The following DTNA variants were observed in gnomAD, a reference collection of about 807,000 sequenced individuals.
The protein encoded by DTNA is dystrophin-related protein 3.
A neutral mutation model predicts 100.7 loss-of-function variants in DTNA; 43 were observed. The ratio of observed to expected loss-of-function variants is 0.43; its 90% CI spans 0.33 to 0.55. The LOEUF (loss-of-function observed/expected upper bound fraction) is 0.55. Among genes scored for constraint, DTNA ranks in the 20% least tolerant of loss-of-function variants. The pLI is 0.04. For synonymous variants in DTNA, 349 were observed against 347.9 expected (o/e 1.00, Z -0.04); for missense variants, 798 against 953.9 (o/e 0.84, Z 2.15).
intron 1 of DTNA, among the ~76,000 whole-genome samples, chr18:34,581,670 G>A (rs9965201): frequency 0.1 from 14,698 of 146,848 alleles, 1,094 homozygotes; most frequent in African/African-American, 0.2. Context: ...CACCAGGCTG[G>A]CGTGCAGTGG....
intron 21 of DTNA, among the ~76,000 whole-genome samples, chr18:34,884,191 T>G (rs2096900728): frequency 6.6e-6 from 1 of 152,214 alleles, no homozygotes; most frequent in African/African-American, 2.4e-5. Context: ...CCTCCCTCTT[T>G]GAGCTCGTGT....
rs1392650979 is a variant in DTNA at position 34,847,526 on chromosome 18, A to AAT, written c.1347-769_1347-768insTA. Among the ~76,000 whole-genome samples, 3 of 152,304 alleles carry AAT rather than the reference A, an allele frequency of 2.0e-5. No homozygotes were observed. In the East Asian group the frequency reaches 5.8e-4, roughly 29 times the overall value. The stretch of plus-strand genomic sequence containing the variant: ...TGGCTTAGCTAAGTCCCTCTGGTTC[A>AAT]AGGCTTCTGTGAGGTTGCAATCAAG... On this transcript the variant is annotated intron_variant, in intron 13 of 22. Transcript: ENST00000444659.
At chr18:34,799,492 A>G (rs933549725) in intron 4 of DTNA, among the ~76,000 whole-genome samples, 7 of 152,252 alleles carry the variant, frequency 4.6e-5, no homozygotes, top group African/African-American at 1.7e-4. Flanking sequence ...GTGAAAGCAA[A>G]GAAGAAAAAA....
At chr18:34,589,440 C>G (rs890825839) in intron 1 of DTNA, among the ~76,000 whole-genome samples, 2 of 152,010 alleles carry the variant, frequency 1.3e-5, no homozygotes, top group Non-Finnish European at 2.9e-5. Flanking sequence ...AACCCCGTCT[C>G]TACTAAAAAA....
Position 34,876,701 on chromosome 18 carries a change from A to G in DTNA, c.1904-1018A>G, listed in dbSNP as rs183860744. On this transcript the variant is annotated intron_variant, in intron 18 of 22. Transcript: ENST00000444659. ...GGTGATAAAATCTTAACACACTTCAATGAGAGAGAATGATGAACTCTCTAC... is the reference window on the plus strand; with the variant it reads ...GGTGATAAAATCTTAACACACTTCAGTGAGAGAGAATGATGAACTCTCTAC... Among the ~76,000 whole-genome samples the G allele has an allele frequency of 2.8e-3, 425 of 152,316 alleles. 1 individual carries two copies. Among genetic ancestry groups the G allele is most frequent in the African/African-American group, 9.7e-3 (404 of 41,580 alleles).
intron 1 of DTNA, among the ~76,000 whole-genome samples, chr18:34,644,028 CAATGT>C: frequency 6.6e-6 from 1 of 151,946 alleles, no homozygotes; most frequent in Non-Finnish European, 1.5e-5. Context: ...TTATCATGGC[CAATGT>C]AATTGTGAGG....
At chr18:34,670,962 C>T (rs2076669205) in intron 1 of DTNA, among the ~76,000 whole-genome samples, 1 of 152,210 alleles carries the variant, frequency 6.6e-6, no homozygotes, top group Non-Finnish European at 1.5e-5. Flanking sequence ...CAGACAGGGA[C>T]ATTCAAGTCT....
intron 20 of DTNA, among the ~76,000 whole-genome samples, chr18:34,881,437 C>CTTTTTTTTTTTTT (rs752828928): frequency 1.4e-4 from 7 of 51,398 alleles, no homozygotes; most frequent in African/African-American, 4.2e-4. Flanking sequence ...AATTAAAATG[C>CTTTTTTTTTTTTT]TTTTTTTTTT....
At chr18:34,540,518 A>G (rs1459215224) in intron 1 of DTNA, among the ~76,000 whole-genome samples, 1 of 152,026 alleles carries the variant, frequency 6.6e-6, no homozygotes, top group African/African-American at 2.4e-5. Flanking sequence ...ACACTCATAC[A>G]GTGGATGGAC....
At chr18:34,720,965 A>C (rs2146946656) in intron 1 of DTNA, among the ~76,000 whole-genome samples, 1 of 152,352 alleles carries the variant, frequency 6.6e-6, no homozygotes, top group South Asian at 2.1e-4. Context: ...TATCTGGAGA[A>C]GTAACAAGCT....
intron 6 of DTNA, among the ~76,000 whole-genome samples, chr18:34,812,954 AC>A (rs2095515238): frequency 6.6e-6 from 1 of 152,144 alleles, no homozygotes; most frequent in African/African-American, 2.4e-5. Flanking sequence ...TGAATCTTCT[AC>A]AGCATGACAC....
At position 34,746,459 on chromosome 18, in the gene DTNA, A is replaced by G. The variant is rs1401476347; in HGVS notation, c.-1-9517A>G. ...GCTCAGCCATCATTTCCCTATGACA[A>G]AGTGGGCCTATGTGTATAATATTAT... On this transcript the variant is annotated intron_variant, in intron 1 of 22. Transcript: ENST00000444659. Among the ~76,000 whole-genome samples, 3 of 152,130 alleles carry G rather than the reference A, an allele frequency of 2.0e-5. No individual in the cohort carries two copies. In the East Asian group the frequency reaches 5.8e-4, roughly 29 times the overall value.
Position 34,500,073 on chromosome 18 carries a change from C to T in DTNA, c.-2+6559C>T, listed in dbSNP as rs181649574. ...CTTTTCATATAAATTTTAGAATTAC[C>T]TTTAGAATTATCTTGTCTATATTAA... On this transcript the variant is annotated intron_variant, in intron 1 of 19. Transcript: ENST00000283365. Among the ~76,000 whole-genome samples, 54 of 151,904 alleles carry T rather than the reference C, an allele frequency of 3.6e-4. No individual in the cohort carries two copies. The South Asian group carries it at 6.9e-3, about 19-fold the overall frequency.
At chr18:34,575,255 A>G (rs1366933484) in intron 1 of DTNA, among the ~76,000 whole-genome samples, 2 of 152,216 alleles carry the variant, frequency 1.3e-5, no homozygotes, top group Non-Finnish European at 2.9e-5. Context: ...ATATTTTAAT[A>G]TAATGCATAA....
chr18:34,510,380 C>G (rs887746620), intron 1 of DTNA, among the ~76,000 whole-genome samples: 2 of 151,794 alleles, frequency 1.3e-5, no homozygotes. Context: ...GAGATGTGCT[C>G]CTAGCATAGT....
At chr18:34,496,932 T>C (rs916505357) in intron 1 of DTNA, among the ~76,000 whole-genome samples, 2 of 152,224 alleles carry the variant, frequency 1.3e-5, no homozygotes, top group Non-Finnish European at 2.9e-5. Context: ...TAGTTACTTC[T>C]GTATTCACCA....
rs137865408 is a variant in DTNA, at chr18:34,816,972, A to C, written c.709+958A>C. 3.3e-4 allele frequency among the ~76,000 whole-genome samples: 51 copies of C among 152,302 alleles called. 1 individual carries two copies. The East Asian group carries it at 5.8e-3, about 17-fold the overall frequency. ...TAACAATCATAGTTTTTTTATGTTT[A>C]TCCATATGCAGAAGCGAAGAGCAAT... On this transcript the variant is annotated intron_variant, in intron 7 of 22. Coordinates refer to ENST00000444659, the MANE Select transcript of DTNA (RefSeq NM_001386795.1).
intron 1 of DTNA, among the ~76,000 whole-genome samples, chr18:34,572,142 G>C (rs1391282597): frequency 2.0e-5 from 3 of 152,106 alleles, no homozygotes; most frequent in African/African-American, 7.2e-5. Flanking sequence ...GTCTACCCTG[G>C]CTGCACATTA....
intron 22 of DTNA, among the ~76,000 whole-genome samples, chr18:34,887,090 A>AGGTGGACGCCAGAGACAT (rs1442847367): frequency 3.9e-5 from 6 of 152,228 alleles, no homozygotes; most frequent in African/African-American, 1.4e-4. Flanking sequence ...AAGAGGCAGA[A>AGGTGGACGCCAGAGACAT]GGTGGACGCC....
Sources: gnomAD v4.1 joint callset for allele counts (sites outside exome capture counted in the v4.1 genomes callset) on GRCh38, gnomAD v4.1.1 for gene constraint, MANE v1.5 for transcripts, NCBI Gene and HGNC (gene_info 2026-07-23, HGNC 2026-07-21) for gene names.